Variants in SNTG1 observed in about 807,000 individuals in gnomAD.
SNTG1 encodes syntrophin gamma 1.
Under a neutral mutation model 74.7 loss-of-function variants are expected in SNTG1, and 39 were observed. That is an observed-to-expected ratio of 0.52 (90% CI 0.40 to 0.68). The LOEUF (loss-of-function observed/expected upper bound fraction) is 0.68, where lower values mean the gene tolerates loss of function less well. Among genes scored for constraint, SNTG1 ranks in the 30% least tolerant of loss-of-function variants. The probability of loss-of-function intolerance (pLI) is 0.00; values close to 1 mark genes in which losing one functional copy is unlikely to be tolerated. For synonymous variants in SNTG1, 254 were observed against 217.1 expected (o/e 1.17, Z -1.49); for missense variants, 685 against 609.5 (o/e 1.12, Z -1.30).
intron 1 of SNTG1, among the ~76,000 whole-genome samples, chr8:49,981,622 T>C (rs1812687142): frequency 6.6e-6 from 1 of 152,226 alleles, no homozygotes; most frequent in African/African-American, 2.4e-5. Context: ...AAAGCAAATA[T>C]GGCTATCATT....
At chr8:50,534,057 T>C (rs1252757898) in intron 10 of SNTG1, among the ~76,000 whole-genome samples, 1 of 152,218 alleles carries the variant, frequency 6.6e-6, no homozygotes, top group Non-Finnish European at 1.5e-5. Flanking sequence ...TTAAATAATA[T>C]ACCTGAAGTT....
intron 1 of SNTG1, among the ~76,000 whole-genome samples, chr8:50,112,669 C>T (rs542133355): frequency 3.3e-5 from 5 of 151,494 alleles, no homozygotes; most frequent in Non-Finnish European, 7.4e-5. Context: ...ATTACAGGCC[C>T]CTGCCACCAC....
At chr8:50,244,786 G>T (rs902793171) in intron 2 of SNTG1, among the ~76,000 whole-genome samples, 3 of 152,092 alleles carry the variant, frequency 2.0e-5, no homozygotes, top group Non-Finnish European at 2.9e-5. Flanking sequence ...AGATATTCAG[G>T]TTAAGAAAAA....
intron 4 of SNTG1, among the ~76,000 whole-genome samples, chr8:50,427,012 C>T (rs1163613164): frequency 6.6e-6 from 1 of 152,018 alleles, no homozygotes; most frequent in Non-Finnish European, 1.5e-5. Context: ...AAATACTATG[C>T]CATCTTATAT....
intron 2 of SNTG1, among the ~76,000 whole-genome samples, chr8:50,324,093 C>G (rs1202019903): frequency 2.0e-5 from 3 of 152,150 alleles, no homozygotes; most frequent in African/African-American, 7.2e-5. Flanking sequence ...ACCTAGGACC[C>G]CAGAGCCCTT....
intron 9 of SNTG1, among the ~76,000 whole-genome samples, chr8:50,521,879 ATC>A (rs1563518696): frequency 1.3e-4 from 20 of 152,098 alleles, no homozygotes; most frequent in Non-Finnish European, 2.2e-4. Flanking sequence ...TTTCCATCAC[ATC>A]TACTCTTACT....
At chr8:50,391,497 A>G (rs547018016) in intron 2 of SNTG1, among the ~76,000 whole-genome samples, 5 of 152,160 alleles carry the variant, frequency 3.3e-5, no homozygotes, top group Non-Finnish European at 2.9e-5. Flanking sequence ...GGATTTTTGC[A>G]TCAATGTTCA....
At chr8:50,603,723 C>T (rs1213864919) in intron 13 of SNTG1, among the ~76,000 whole-genome samples, 1 of 152,152 alleles carries the variant, frequency 6.6e-6, no homozygotes, top group East Asian at 1.9e-4. Context: ...CTTGCAGACT[C>T]ATAGGTGTGC....
At chr8:50,179,207 T>C (rs2083112389) in intron 2 of SNTG1, among the ~76,000 whole-genome samples, 1 of 152,176 alleles carries the variant, frequency 6.6e-6, no homozygotes, top group African/African-American at 2.4e-5. Flanking sequence ...CTTACTACTG[T>C]AGCTTTGTCA....
chr8:49,947,884 A>G (rs1019069485), intron 1 of SNTG1, among the ~76,000 whole-genome samples: 2 of 152,146 alleles, frequency 1.3e-5, no homozygotes, highest in Non-Finnish European at 1.5e-5. Context: ...TAATCTCATC[A>G]CTTTGGGAGG....
chr8:50,452,778 C>G (rs1189813621), intron 8 of SNTG1, among the ~76,000 whole-genome samples: 1 of 152,156 alleles, frequency 6.6e-6, no homozygotes, highest in Non-Finnish European at 1.5e-5. Flanking sequence ...TCTAATATTT[C>G]ACTTTCCAAC....
intron 15 of SNTG1, among the ~76,000 whole-genome samples, chr8:50,659,635 A>G (rs1292857867): frequency 6.6e-6 from 1 of 152,194 alleles, no homozygotes. Context: ...AAATCCAGCC[A>G]AAAGTATAGT....
chr8:50,373,714 C>A (rs781438825), intron 2 of SNTG1, among the ~76,000 whole-genome samples: 3 of 152,128 alleles, frequency 2.0e-5, no homozygotes, highest in Non-Finnish European at 4.4e-5. Context: ...TTGAAGATAT[C>A]AATATACTTG....
Position 50,104,170 on chromosome 8 carries a change from A to G in SNTG1, c.-102-68391A>G, listed in dbSNP as rs1043356495. 9.2e-5 allele frequency among the ~76,000 whole-genome samples: 14 copies of G among 152,228 alleles called. 1 individual carries two copies. The highest frequency in any genetic ancestry group is 2.9e-4 in the African/African-American group (12 of 41,550). The stretch of plus-strand genomic sequence containing the variant: ...CCTCCTTGTACCTCTGGTAGAATTC[A>G]GCTGTGAATCCATCTGGTCTTGGAC... On this transcript the variant is annotated intron_variant, in intron 1 of 18. Coordinates refer to ENST00000642720, the MANE Select transcript of SNTG1 (RefSeq NM_018967.5).
At chr8:50,463,147 A>G (rs958337755) in intron 8 of SNTG1, among the ~76,000 whole-genome samples, 5 of 152,074 alleles carry the variant, frequency 3.3e-5, no homozygotes, top group African/African-American at 1.2e-4. Context: ...TTCTCTTGCT[A>G]TTTCCACTGT....
chr8:50,671,134 C>G (rs2095280037), intron 15 of SNTG1, among the ~76,000 whole-genome samples: 1 of 151,902 alleles, frequency 6.6e-6, no homozygotes, highest in African/African-American at 2.4e-5. Context: ...TAGACATGGG[C>G]AAGGACTTCA....
intron 2 of SNTG1, among the ~76,000 whole-genome samples, chr8:50,218,303 C>T (rs1302205113): frequency 1.3e-5 from 2 of 151,730 alleles, no homozygotes; most frequent in Admixed American, 6.6e-5. Context: ...CGCTTTGCTT[C>T]CAACAACTCC....
rs547350406 is a variant in SNTG1, at chr8:50,773,784, T to C, written c.1396-18887T>C. On this transcript the variant is annotated intron_variant, in intron 18 of 18. Transcript: ENST00000642720. ...GAAGCTTTCTTTGAGGAAAACCAGC[T>C]GGTGCACTTACTAGTAAAATAATTT... 2.6e-5 allele frequency among the ~76,000 whole-genome samples: 4 copies of C among 152,240 alleles called. 1 individual carries two copies. Among genetic ancestry groups the C allele is most frequent in the African/African-American group, 9.6e-5 (4 of 41,568 alleles).
chr8:50,103,147 G>T (rs1207921072), intron 1 of SNTG1, among the ~76,000 whole-genome samples: 1 of 152,132 alleles, frequency 6.6e-6, no homozygotes, highest in Non-Finnish European at 1.5e-5. Context: ...AAATTACCTT[G>T]GGCCGTATGG....
Sources: gnomAD v4.1 joint callset for allele counts (sites outside exome capture counted in the v4.1 genomes callset) on GRCh38, gnomAD v4.1.1 for gene constraint, MANE v1.5 for transcripts, NCBI Gene and HGNC (gene_info 2026-07-23, HGNC 2026-07-21) for gene names.